CACNA1H: variants seen among roughly 807,000 people sequenced by gnomAD.
CACNA1H encodes the protein voltage-dependent T-type calcium channel subunit alpha-1H.
CACNA1H carries 149 observed loss-of-function variants against 192.5 expected under a neutral mutation model. That is an observed-to-expected ratio of 0.77 (90% CI 0.68 to 0.89). CACNA1H has a LOEUF of 0.89. Ranked by LOEUF, CACNA1H falls within the 40% of genes least tolerant of loss-of-function variation. The pLI is 0.00. For synonymous variants in CACNA1H, 2,202 were observed against 1,475.2 expected, an observed-to-expected ratio of 1.49 and a Z score of -11.29; for missense variants, 4,257 against 3,423.5, an observed-to-expected ratio of 1.24 and a Z score of -6.08.
In CACNA1H at chr16:1,180,705, C is replaced by T. The variant is rs1965379756; in HGVS notation, c.300-14267C>T. On this transcript the variant is annotated intron_variant, in intron 2 of 34. Transcript: ENST00000348261. This position sits in a 1 kb window ranked among gnomAD's most constrained non-coding sequence, Gnocchi z 4.4. ...GGGGCAGGGAGGGATGAGGTGCAGA[C>T]TGGGGAGAGTGCAGGGTGTGCAGCG... is the stretch of plus-strand genomic sequence containing the variant. 6.6e-6 allele frequency among the ~76,000 whole-genome samples: 1 copy of T among 152,104 alleles called. No individual in the cohort carries two copies. Among genetic ancestry groups the T allele is most frequent in the Non-Finnish European group, 1.5e-5 (1 of 67,984 alleles).
chr16:1,155,547 T>C (rs1411369466), intron 2 of CACNA1H, among the ~76,000 whole-genome samples: 1 of 152,120 alleles, frequency 6.6e-6, no homozygotes, highest in Non-Finnish European at 1.5e-5. Context: ...AGCCAAGGCC[T>C]GCGTTCCTTG....
intron 2 of CACNA1H, among the ~76,000 whole-genome samples, chr16:1,182,893 C>G (rs976177185): frequency 1.4e-4 from 21 of 152,170 alleles, no homozygotes; most frequent in African/African-American, 4.6e-4. Flanking sequence ...GAGTCCTGGG[C>G]CCAACCTGAG....
rs1446306784 is a variant in CACNA1H at position 1,180,033 on chromosome 16, C to T, written c.300-14939C>T. Among the ~76,000 whole-genome samples the T allele has an allele frequency of 6.6e-6, 1 of 152,234 alleles. No homozygotes were observed. The highest frequency in any genetic ancestry group is 1.5e-5 in the Non-Finnish European group (1 of 68,044). ...AACAGGCGTGAGCCACCATGCCCGG[C>T]CCGGCCTTGTTTTTTAATATACATC... is the stretch of plus-strand genomic sequence containing the variant. On this transcript the variant is annotated intron_variant, in intron 2 of 34. Transcript: ENST00000348261. This position sits in a 1 kb window ranked among gnomAD's most constrained non-coding sequence, Gnocchi z 4.4.
intron 2 of CACNA1H, among the ~76,000 whole-genome samples, chr16:1,155,167 A>G (rs1178090821): frequency 6.6e-6 from 1 of 152,232 alleles, no homozygotes; most frequent in Non-Finnish European, 1.5e-5. Context: ...CCTTTCTCAA[A>G]TCCAAACATC....
rs768128693 is a variant in CACNA1H at position 1,215,357 on chromosome 16, G to A, written c.5155G>A (p.Val1719Met). ...INPTIIRIMR[V>M]LRIARVLKLL... ...CCCCACCATCATCCGCATCATGCGCGTGCTTCGCATTGCCCGTGGTAGGTG... is the reference window on the plus strand; with the variant it reads ...CCCCACCATCATCCGCATCATGCGCATGCTTCGCATTGCCCGTGGTAGGTG... The change falls in exon 29 of 35, where the codon GTG (valine) becomes ATG (methionine). Residue 1719 changes from valine (V) to methionine (M), a missense_variant. Physicochemically the swap from Val to Met is conservative, Grantham distance 21 (BLOSUM62 1). Transcript: ENST00000348261. 33 of 1,611,366 alleles carry A rather than the reference G, an allele frequency of 2.0e-5. No homozygotes were observed. The highest frequency in any genetic ancestry group is 2.7e-5 in the Non-Finnish European group (32 of 1,179,282).
intron 2 of CACNA1H, among the ~76,000 whole-genome samples, chr16:1,181,711 G>C (rs762563051): frequency 6.6e-6 from 1 of 152,198 alleles, no homozygotes; most frequent in Non-Finnish European, 1.5e-5. Flanking sequence ...CTCCAGCTCC[G>C]TGGTGGTGCT....
At position 1,194,964 on chromosome 16, in the gene CACNA1H, G is replaced by T. The variant is rs3751662; in HGVS notation, c.300-8G>T. On this transcript the variant is annotated splice_region_variant and splice_polypyrimidine_tract_variant and intron_variant, in intron 2 of 34. Coordinates refer to ENST00000348261, the MANE Select transcript of CACNA1H (RefSeq NM_021098.3). ...CGCGCCGGTGTGCTCCTTAACCCGC[G>T]GCGACACATGGTTCGAGCACGTGAG... 1.2e-6 allele frequency: 2 copies of T among 1,604,724 alleles called. No homozygotes were observed. The highest frequency in any genetic ancestry group is 1.3e-5 in the African/African-American group (1 of 74,866).
chr16:1,181,853 C>G (rs925947301), intron 2 of CACNA1H, among the ~76,000 whole-genome samples: 4 of 152,124 alleles, frequency 2.6e-5, no homozygotes, highest in Non-Finnish European at 4.4e-5. Context: ...ACACACACAT[C>G]ACACACCCAC....
Position 1,207,286 on chromosome 16 carries a change from G to A in CACNA1H, c.2919G>A (p.Gln973=), listed in dbSNP as rs1297223730. 69 of 1,608,486 alleles carry A rather than the reference G, an allele frequency of 4.3e-5. No individual in the cohort carries two copies. The highest frequency in any genetic ancestry group is 5.9e-5 in the Non-Finnish European group (69 of 1,177,442). ...CTGCTATCCCCCAGATCCTGACCCAGGAGGACTGGAACGTGGTCCTGTACA... is the reference window on the plus strand; with the variant it reads ...CTGCTATCCCCCAGATCCTGACCCAAGAGGACTGGAACGTGGTCCTGTACA... ...AIVTVFQILT[Q]EDWNVVLYNG... Residue 973 remains glutamine, a synonymous_variant, in exon 14 of 35, where the codon CAG becomes CAA. Coordinates refer to ENST00000348261, the MANE Select transcript of CACNA1H (RefSeq NM_021098.3).
At chr16:1,155,069 AC>A (rs1962135203) in intron 2 of CACNA1H, among the ~76,000 whole-genome samples, 1 of 152,216 alleles carries the variant, frequency 6.6e-6, no homozygotes, top group African/African-American at 2.4e-5. Flanking sequence ...CGGCCTGTGT[AC>A]ACTTCCCTAC....
intron 2 of CACNA1H, among the ~76,000 whole-genome samples, chr16:1,156,172 C>T (rs1962351805): frequency 6.6e-6 from 1 of 152,218 alleles, no homozygotes; most frequent in Non-Finnish European, 1.5e-5. Context: ...GCCAGCACCT[C>T]TGGCACGCTT....
intron 6 of CACNA1H, among the ~76,000 whole-genome samples, chr16:1,199,934 GCTGTTCTTTGTTGATTTCTCTGTCCATCC>G (rs1375972538): frequency 2.6e-5 from 4 of 151,992 alleles, no homozygotes; most frequent in Non-Finnish European, 4.4e-5. Context: ...GTTTGTCTGT[GCTGTTCTTTGTTGATTTCTCTGTCCATCC>G]CTGTTCTTTG....
Position 1,221,625 on chromosome 16 carries a change from T to C in CACNA1H, c.*631T>C, listed in dbSNP as rs1970486582. The C allele has an allele frequency of 1.3e-6, 1 of 791,772 alleles. No individual in the cohort carries two copies. The allele number at this position is 791,772 out of a possible 1,614,324, so 49.0% of individuals were successfully genotyped here. On this transcript the variant is annotated 3_prime_UTR_variant, in exon 35 of 35. Transcript: ENST00000348261. The stretch of plus-strand genomic sequence containing the variant: ...CAGGCCTCCCCTACATCTGGGGGCG[T>C]TGGCCGCGAGATTCCCATTGACACC...
intron 2 of CACNA1H, among the ~76,000 whole-genome samples, chr16:1,160,804 G>C (rs1963093649): frequency 6.6e-6 from 1 of 152,188 alleles, no homozygotes; most frequent in South Asian, 2.1e-4. Context: ...TGTGGGCAGA[G>C]AGATCCTTGG....
In CACNA1H at chr16:1,180,913, A is replaced by T. The variant is rs182209101; in HGVS notation, c.300-14059A>T. Reference sequence around the variant, plus strand: ...TGCTGGGCCGCGTTGGCAGGGGCTCACCCCGTCTTCCCGCAGGAAAGCGCC... The same window carrying T: ...TGCTGGGCCGCGTTGGCAGGGGCTCTCCCCGTCTTCCCGCAGGAAAGCGCC... On this transcript the variant is annotated intron_variant, in intron 2 of 34. Transcript: ENST00000348261. This position sits in a 1 kb window ranked among gnomAD's most constrained non-coding sequence, Gnocchi z 4.4. Among the ~76,000 whole-genome samples, 2 of 152,258 alleles carry T rather than the reference A, an allele frequency of 1.3e-5. No individual in the cohort carries two copies. Among genetic ancestry groups the T allele is most frequent in the Admixed American group, 1.3e-4 (2 of 15,312 alleles).
chr16:1,183,486 C>T (rs183718749), intron 2 of CACNA1H, among the ~76,000 whole-genome samples: 31 of 152,334 alleles, frequency 2.0e-4, no homozygotes, highest in African/African-American at 6.7e-4. Context: ...GAGAAACCTC[C>T]TTCAGTCAGC....
At chr16:1,207,240 G>C (rs371773480) in intron 13 of CACNA1H, 35 bp from the exon 14 acceptor site, 153 of 1,576,402 alleles carry the variant, frequency 9.7e-5, no homozygotes, top group Non-Finnish European at 1.3e-4. Context: ...TTTCGGGGCT[G>C]GGGTGACCAC....
intron 12 of CACNA1H, chr16:1,206,570 G>A: frequency 2.0e-6 from 1 of 498,894 alleles, no homozygotes; most frequent in East Asian, 3.6e-5. Flanking sequence ...CGGGGGTGGG[G>A]GCAGGCACCA....
chr16:1,200,854 C>A, intron 8 of CACNA1H, 46 bp downstream of exon 8: 1 of 1,363,174 alleles, frequency 7.3e-7, no homozygotes, highest in Non-Finnish European at 9.9e-7. Context: ...CTGGTGTTAG[C>A]TGGCTGGGGG....
Sources: allele counts gnomAD v4.1 joint callset (sites outside exome capture counted in the v4.1 genomes callset), GRCh38; gene constraint gnomAD v4.1.1; non-coding constraint Gnocchi (gnomAD v3.1); transcripts MANE v1.5; gene names NCBI Gene and HGNC (gene_info 2026-07-23, HGNC 2026-07-21).